Variants in SPATA6 observed in about 807,000 individuals in gnomAD.
SPATA6 encodes spermatogenesis associated 6, also known as spermatogenesis-associated protein 6.
A neutral mutation model predicts 65.3 loss-of-function variants in SPATA6; 56 were observed. That is an observed-to-expected ratio of 0.86 (90% CI 0.69 to 1.07). SPATA6 has a LOEUF of 1.07. SPATA6 is among the 50% of genes least tolerant of loss of function. The pLI is 0.00. For missense variants in SPATA6, 590 were observed against 594.8 expected (o/e 0.99, Z 0.08); for synonymous variants, 199 against 213.2 (o/e 0.93, Z 0.58).
intron 9 of SPATA6, among the ~76,000 whole-genome samples, chr1:48,379,518 T>C (rs1013887783): frequency 3.9e-5 from 6 of 152,142 alleles, no homozygotes; most frequent in African/African-American, 1.4e-4. Context: ...GTACAAAGTT[T>C]CAAGTAGACA....
At chr1:48,344,694 C>G (rs1646314042) in intron 11 of SPATA6, among the ~76,000 whole-genome samples, 1 of 152,130 alleles carries the variant, frequency 6.6e-6, no homozygotes, top group East Asian at 1.9e-4. Flanking sequence ...ATCTACAAAG[C>G]AAATGGAAAA....
intron 1 of SPATA6, among the ~76,000 whole-genome samples, chr1:48,469,615 CTGAGTA>C (rs1248238368): frequency 1.3e-5 from 2 of 151,824 alleles, no homozygotes; most frequent in Non-Finnish European, 2.9e-5. Flanking sequence ...CAACACTTCT[CTGAGTA>C]TATCATGTTA....
At chr1:48,325,351 A>G in intron 11 of SPATA6, 1 of 1,348,554 alleles carries the variant, frequency 7.4e-7, no homozygotes, top group Non-Finnish European at 1.1e-6. Flanking sequence ...CCTCCCCTGA[A>G]GGCAAAGTTC....
At chr1:48,450,227 G>C (rs1395819090) in intron 3 of SPATA6, among the ~76,000 whole-genome samples, 2 of 151,162 alleles carry the variant, frequency 1.3e-5, no homozygotes. Context: ...AGTATAAAAA[G>C]AGATCAGAGA....
At chr1:48,352,722 C>T (rs1646545016) in intron 11 of SPATA6, among the ~76,000 whole-genome samples, 1 of 151,776 alleles carries the variant, frequency 6.6e-6, no homozygotes, top group Admixed American at 6.6e-5. Context: ...GTTCTGCATA[C>T]TGAATGGATA....
the SPATA6 span, among the ~76,000 whole-genome samples, chr1:48,281,660 A>T: frequency 0.024 from 3,704 of 151,612 alleles, 98 homozygotes; most frequent in African/African-American, 0.067. Context: ...GAGAACTACA[A>T]ACCACTGCTC....
At chr1:48,289,572 A>C in the SPATA6 span, among the ~76,000 whole-genome samples, 3 of 152,212 alleles carry the variant, frequency 2.0e-5, no homozygotes, top group Non-Finnish European at 2.9e-5. Flanking sequence ...AGGACGTTCA[A>C]ACCCATCGCA....
the SPATA6 span, among the ~76,000 whole-genome samples, chr1:48,273,676 C>CT: frequency 1.9e-4 from 29 of 152,186 alleles, no homozygotes; most frequent in African/African-American, 7.0e-4. Context: ...TGAACTCATC[C>CT]TTTTTTTATG....
intron 11 of SPATA6, among the ~76,000 whole-genome samples, chr1:48,313,381 GC>G (rs1645288534): frequency 6.6e-6 from 1 of 152,110 alleles, no homozygotes; most frequent in Admixed American, 6.5e-5. Flanking sequence ...GAGAGTGGGG[GC>G]CAATATTCAA....
chr1:48,460,939 C>A (rs1557735544), intron 1 of SPATA6, among the ~76,000 whole-genome samples: 1 of 150,850 alleles, frequency 6.6e-6, no homozygotes, highest in East Asian at 1.9e-4. Context: ...CCTCTCTGAA[C>A]CTGTTCTGGT....
intron 11 of SPATA6, among the ~76,000 whole-genome samples, chr1:48,351,062 A>G (rs986841283): frequency 6.6e-6 from 1 of 151,910 alleles, no homozygotes; most frequent in Non-Finnish European, 1.5e-5. Flanking sequence ...CTCAGCATAC[A>G]GATCCTACAC....
At chr1:48,262,606 C>T in the SPATA6 span, 1 of 152,074 alleles carries the variant, frequency 6.6e-6, no homozygotes, top group African/African-American at 2.4e-5. Context: ...TTAAGAAATA[C>T]ACTTATGCAT....
chr1:48,371,383 C>T (rs983633521), intron 9 of SPATA6, among the ~76,000 whole-genome samples: 6 of 152,074 alleles, frequency 3.9e-5, no homozygotes, highest in African/African-American at 1.4e-4. Context: ...AACCTTACTG[C>T]AAATAATATT....
intron 7 of SPATA6, 91 bp from the exon 8 acceptor site, chr1:48,395,445 G>C (rs1015052441): frequency 1.3e-5 from 10 of 767,726 alleles, no homozygotes; most frequent in South Asian, 4.5e-5. Flanking sequence ...AGAGTACAGA[G>C]AGCATATATA....
intron 11 of SPATA6, among the ~76,000 whole-genome samples, chr1:48,314,391 T>A (rs1645334028): frequency 6.6e-6 from 1 of 151,960 alleles, no homozygotes; most frequent in African/African-American, 2.4e-5. Context: ...AGAAACTCAC[T>A]CAAAACCGCT....
At chr1:48,460,667 A>T (rs1657359968) in intron 1 of SPATA6, among the ~76,000 whole-genome samples, 1 of 151,662 alleles carries the variant, frequency 6.6e-6, no homozygotes, top group African/African-American at 2.4e-5. Context: ...CTTAGTTGTG[A>T]CCTATTGCAA....
intron 9 of SPATA6, among the ~76,000 whole-genome samples, chr1:48,367,047 T>C (rs1647043649): frequency 6.6e-6 from 1 of 152,240 alleles, no homozygotes; most frequent in African/African-American, 2.4e-5. Context: ...CTTCATTTCA[T>C]TATGTACTCA....
chr1:48,313,320 G>A (rs1002216472), intron 11 of SPATA6, among the ~76,000 whole-genome samples: 7 of 152,160 alleles, frequency 4.6e-5, no homozygotes, highest in African/African-American at 9.7e-5. Context: ...CACAAAGGGA[G>A]GCCCATCAGA....
At chr1:48,451,761 A>T (rs1162382535) in intron 2 of SPATA6, among the ~76,000 whole-genome samples, 161 bp from the exon 3 acceptor site, 1 of 152,170 alleles carries the variant, frequency 6.6e-6, no homozygotes, top group African/African-American at 2.4e-5. Context: ...GATTCTACAA[A>T]TAACCTTTAT....
Sources: allele counts gnomAD v4.1 joint callset (sites outside exome capture counted in the v4.1 genomes callset), GRCh38; gene constraint gnomAD v4.1.1; transcripts MANE v1.5; gene names NCBI Gene and HGNC (gene_info 2026-07-23, HGNC 2026-07-21).